Variants in TBC1D20 observed in about 807,000 individuals in gnomAD.
TBC1D20 encodes TBC1 domain family member 20.
A neutral mutation model predicts 41.6 loss-of-function variants in TBC1D20; 12 were observed. The observed-to-expected ratio is 0.29, with a 90% CI of 0.18 to 0.47. The LOEUF is 0.47. Among genes scored for constraint, TBC1D20 ranks in the 20% least tolerant of loss-of-function variants. TBC1D20 has a pLI of 1.00. For synonymous variants in TBC1D20, 205 were observed against 204.8 expected (o/e 1.00, Z -0.01); for missense variants, 421 against 517.4 (o/e 0.81, Z 1.81).
chr20:453,950 CAATA>C (rs2017496662), intron 1 of TBC1D20, among the ~76,000 whole-genome samples: 1 of 144,846 alleles, frequency 6.9e-6, no homozygotes, highest in African/African-American at 2.6e-5. Flanking sequence ...ATTAAAAATA[CAATA>C]ATTAGGCCAG....
chr20:455,703 C>A (rs1259386634), intron 1 of TBC1D20, among the ~76,000 whole-genome samples: 1 of 151,368 alleles, frequency 6.6e-6, no homozygotes, highest in Non-Finnish European at 1.5e-5. Flanking sequence ...GAAGTCGAGG[C>A]GAGCGGATCA....
At position 439,170 on chromosome 20, in the gene TBC1D20, A is replaced by C; in HGVS notation, c.894T>G (p.Leu298=). Residue 298 remains leucine, a synonymous_variant, in exon 7 of 8, where the codon CTT becomes CTG. Transcript: ENST00000354200. The surrounding 1 kb of genome is among the most constrained non-coding windows in gnomAD (Gnocchi z 4.6). The part of the protein sequence containing the change: ...YETLISRAGD[L]FVQFPPSELA... Reference sequence around the variant, plus strand: ...GTTCGGATGGGGGAAACTGAACAAAAAGGTCTCCTGCTCTGCTGATCAGTG... The same window carrying C: ...GTTCGGATGGGGGAAACTGAACAAACAGGTCTCCTGCTCTGCTGATCAGTG... The C allele has an allele frequency of 6.2e-7, 1 of 1,614,150 alleles. No individual in the cohort carries two copies. The highest frequency in any genetic ancestry group is 8.5e-7 in the Non-Finnish European group (1 of 1,180,010).
At chr20:453,619 T>C (rs1158874762) in intron 1 of TBC1D20, among the ~76,000 whole-genome samples, 1 of 136,500 alleles carries the variant, frequency 7.3e-6, no homozygotes, top group Non-Finnish European at 1.6e-5. Flanking sequence ...AATCTCGGCT[T>C]ACTGCAACCT....
chr20:454,932 A>G (rs1370778968), intron 1 of TBC1D20, among the ~76,000 whole-genome samples: 2 of 152,196 alleles, frequency 1.3e-5, no homozygotes, highest in African/African-American at 4.8e-5. Context: ...TCAGGCTCCC[A>G]AAGTGCTGGG....
intron 3 of TBC1D20, among the ~76,000 whole-genome samples, chr20:442,399 G>A (rs774252816): frequency 1.3e-5 from 2 of 152,172 alleles, no homozygotes; most frequent in Non-Finnish European, 2.9e-5. Flanking sequence ...TATCAACAGC[G>A]CACAGACCTC....
At chr20:450,330 T>TA (rs1450752597) in intron 1 of TBC1D20, among the ~76,000 whole-genome samples, 1 of 151,108 alleles carries the variant, frequency 6.6e-6, no homozygotes, top group Non-Finnish European at 1.5e-5. Flanking sequence ...TTTTTTTTTT[T>TA]AGACAGGGTT....
At position 435,846 on chromosome 20, in the gene TBC1D20, C is replaced by T. The variant is rs534795265; in HGVS notation, c.*2740G>A. 14 of 153,996 alleles carry T rather than the reference C, an allele frequency of 9.1e-5. No individual in the cohort carries two copies. The Middle Eastern group carries it at 0.017, about 187-fold the overall frequency. 9.5% of individuals were successfully genotyped at this position (153,996 alleles called of 1,614,324 possible). On this transcript the variant is annotated 3_prime_UTR_variant, in exon 8 of 8. Coordinates refer to ENST00000354200, the MANE Select transcript of TBC1D20 (RefSeq NM_144628.4). Reference sequence around the variant, plus strand: ...CCTCTCTGTGCAGCGTTCCTCCTTCCGGGTATGGGGCAGCACCCTCTCTGG... The same window carrying T: ...CCTCTCTGTGCAGCGTTCCTCCTTCTGGGTATGGGGCAGCACCCTCTCTGG...
intron 2 of TBC1D20, among the ~76,000 whole-genome samples, chr20:446,835 T>C (rs539329956): frequency 3.3e-5 from 5 of 152,166 alleles, no homozygotes; most frequent in African/African-American, 9.6e-5. Flanking sequence ...TTTCGCAATG[T>C]TGCCCATGCT....
intron 6 of TBC1D20, 87 bp downstream of exon 6, chr20:440,161 A>C: frequency 1.3e-6 from 2 of 1,511,042 alleles, no homozygotes; most frequent in South Asian, 2.6e-5. Context: ...GCATCTTTCC[A>C]TAATCCCCAG....
chr20:440,205 G>A (rs1190061902), intron 6 of TBC1D20, 43 bp downstream of exon 6: 2 of 1,601,846 alleles, frequency 1.2e-6, no homozygotes, highest in South Asian at 2.2e-5. Flanking sequence ...ACAGTGGGAT[G>A]GGTGATGGTG....
intron 1 of TBC1D20, among the ~76,000 whole-genome samples, chr20:453,535 C>G (rs1487993677): frequency 2.9e-5 from 4 of 137,588 alleles, no homozygotes; most frequent in Non-Finnish European, 6.1e-5. Flanking sequence ...TGCCTGTAAT[C>G]CAGCATTTTT....
intron 1 of TBC1D20, among the ~76,000 whole-genome samples, chr20:460,453 T>C (rs926809716): frequency 7.1e-6 from 1 of 141,336 alleles, no homozygotes; most frequent in Non-Finnish European, 1.5e-5. Flanking sequence ...AAAAAAAAAA[T>C]GCTTTAACTC....
chr20:440,934 T>C (rs758890263), intron 5 of TBC1D20: 1 of 153,474 alleles, frequency 6.5e-6, no homozygotes, highest in African/African-American at 2.4e-5. Context: ...CTACTAAAAA[T>C]ACAAAATTAG....
At chr20:460,434 C>CA (rs10580827) in intron 1 of TBC1D20, among the ~76,000 whole-genome samples, 7,332 of 128,610 alleles carry the variant, frequency 0.057, 237 homozygotes, top group East Asian at 0.092. Flanking sequence ...TCCCATCTCT[C>CA]AAAAAAAAAA....
At chr20:440,888 CG>C (rs1335909363) in intron 5 of TBC1D20, 1 of 153,782 alleles carries the variant, frequency 6.5e-6, no homozygotes, top group Non-Finnish European at 1.4e-5. Flanking sequence ...ATCGGGAGCT[CG>C]AGACCAGCCT....
rs113341357 is a variant in TBC1D20, at chr20:447,831, T to C, written c.256+58A>G. The C allele has an allele frequency of 5.8e-4, 841 of 1,439,006 alleles. 4 individuals carry two copies. In the African/African-American group the frequency reaches 0.011, roughly 18 times the overall value. The allele number at this position is 1,439,006 out of a possible 1,614,324, so 89.1% of individuals were successfully genotyped here. ...ACCATAAAAATTAAAGATCCTGGAA[T>C]TCTTTTCCCCCTGTCTCCTAGATAA... On this transcript the variant is annotated intron_variant, in intron 2 of 7. Coordinates refer to ENST00000354200, the MANE Select transcript of TBC1D20 (RefSeq NM_144628.4).
rs1235542212 is a variant in TBC1D20, at chr20:436,240, T to G, written c.*2346A>C. Reference sequence around the variant, plus strand: ...TGGGAGCATCCAGATCAGAGACCATTCCCACTGAGCGGTGGCCAAGGACGG... The same window carrying G: ...TGGGAGCATCCAGATCAGAGACCATGCCCACTGAGCGGTGGCCAAGGACGG... On this transcript the variant is annotated 3_prime_UTR_variant, in exon 8 of 8. Transcript: ENST00000354200. 1.3e-5 allele frequency: 2 copies of G among 152,220 alleles called. No individual in the cohort carries two copies. Among genetic ancestry groups the G allele is most frequent in the Admixed American group, 6.5e-5 (1 of 15,282 alleles). 9.4% of individuals were successfully genotyped at this position (152,220 alleles called of 1,614,324 possible). A position where few individuals can be genotyped will look rare whatever the true frequency, so the allele number is the denominator to read the frequency against.
intron 1 of TBC1D20, among the ~76,000 whole-genome samples, chr20:449,016 T>G (rs536011647): frequency 1.6e-4 from 24 of 149,860 alleles, no homozygotes; most frequent in African/African-American, 5.9e-4. Context: ...CCAGCTATAT[T>G]TTTGTATTTT....
intron 1 of TBC1D20, among the ~76,000 whole-genome samples, chr20:461,409 G>A (rs2017626944): frequency 1.3e-5 from 2 of 152,208 alleles, no homozygotes; most frequent in South Asian, 4.1e-4. Context: ...CTGTCACCCA[G>A]GCCGGAGTGC....
Sources: allele counts gnomAD v4.1 joint callset (sites outside exome capture counted in the v4.1 genomes callset), GRCh38; gene constraint gnomAD v4.1.1; non-coding constraint Gnocchi (gnomAD v3.1); transcripts MANE v1.5; gene names NCBI Gene and HGNC (gene_info 2026-07-23, HGNC 2026-07-21).